The following ADGRL3 variants were observed in gnomAD, a reference collection of about 807,000 sequenced individuals.
The protein encoded by ADGRL3 is calcium-independent alpha-latrotoxin receptor 3.
A neutral mutation model predicts 153.5 loss-of-function variants in ADGRL3; 62 were observed. That is an observed-to-expected ratio of 0.40 (90% CI 0.33 to 0.50). The LOEUF is 0.50. Ranked by LOEUF, ADGRL3 falls within the 20% of genes least tolerant of loss-of-function variation. The probability of loss-of-function intolerance (pLI) is 0.47; values close to 1 mark genes in which losing one functional copy is unlikely to be tolerated. For synonymous variants in ADGRL3, 710 were observed against 672.5 expected, an observed-to-expected ratio of 1.06 and a Z score of -0.86; for missense variants, 1,641 against 1,859.4, an observed-to-expected ratio of 0.88 and a Z score of 2.16.
chr4:61,340,519 G>A (rs962035875), intron 1 of ADGRL3, among the ~76,000 whole-genome samples: 41 of 151,654 alleles, frequency 2.7e-4, no homozygotes, highest in Non-Finnish European at 8.8e-5. Context: ...ATCTGTCATC[G>A]GATACATCTT....
chr4:61,709,753 T>C (rs2095931292), intron 6 of ADGRL3, among the ~76,000 whole-genome samples: 1 of 152,194 alleles, frequency 6.6e-6, no homozygotes, highest in Admixed American at 6.5e-5. Context: ...TGTTTTTACC[T>C]AGAAAAATTT....
intron 4 of ADGRL3, among the ~76,000 whole-genome samples, chr4:61,559,242 T>A (rs540790581): frequency 2.4e-4 from 36 of 152,234 alleles, no homozygotes; most frequent in African/African-American, 8.4e-4. Context: ...CATTGACATC[T>A]TCTTACTACA....
chr4:62,026,506 A>G (rs1718640138), intron 21 of ADGRL3, among the ~76,000 whole-genome samples: 1 of 152,136 alleles, frequency 6.6e-6, no homozygotes. Flanking sequence ...GTTGATAAAA[A>G]CTGCTGAATT....
chr4:61,820,502 A>G lies in ADGRL3; in HGVS notation c.1480+6613A>G, dbSNP rs367953367. 1.1e-4 allele frequency among the ~76,000 whole-genome samples: 16 copies of G among 152,340 alleles called. No individual in the cohort carries two copies. The East Asian group carries it at 2.9e-3, about 28-fold the overall frequency. ...AATAAAAATAAGGTTCTGAATCAGCATTCAGCATTATAGTAATTCCTCTTG... is the reference window on the plus strand; with the variant it reads ...AATAAAAATAAGGTTCTGAATCAGCGTTCAGCATTATAGTAATTCCTCTTG... On this transcript the variant is annotated intron_variant, in intron 9 of 26. Transcript: ENST00000683033.
At chr4:61,855,224 C>T (rs776500560) in intron 9 of ADGRL3, among the ~76,000 whole-genome samples, 12 of 152,260 alleles carry the variant, frequency 7.9e-5, no homozygotes, top group Non-Finnish European at 1.8e-4. Context: ...AATGCTGGCT[C>T]TAGGGAAACC....
chr4:61,573,380 A>G (rs991894723), intron 4 of ADGRL3, among the ~76,000 whole-genome samples: 1 of 151,932 alleles, frequency 6.6e-6, no homozygotes, highest in Non-Finnish European at 1.5e-5. Context: ...TATAAAGAAA[A>G]TATTTATTTT....
intron 1 of ADGRL3, among the ~76,000 whole-genome samples, chr4:61,247,751 G>T (rs1267858090): frequency 1.3e-5 from 2 of 151,836 alleles, no homozygotes; most frequent in Non-Finnish European, 2.9e-5. Context: ...AGGTTTATGA[G>T]AAATTGTTAT....
chr4:61,661,842 T>C (rs1442508454), intron 5 of ADGRL3, among the ~76,000 whole-genome samples: 1 of 152,218 alleles, frequency 6.6e-6, no homozygotes, highest in Admixed American at 6.5e-5. Flanking sequence ...AAAAGTTCCT[T>C]GACTAAAACT....
chr4:61,761,958 CA>C (rs1416906231), intron 8 of ADGRL3, among the ~76,000 whole-genome samples: 2 of 152,076 alleles, frequency 1.3e-5, no homozygotes, highest in African/African-American at 2.4e-5. Context: ...AATAAACAAA[CA>C]AATAAATAAA....
intron 1 of ADGRL3, among the ~76,000 whole-genome samples, chr4:61,224,472 GT>G (rs1292715911): frequency 6.6e-6 from 1 of 152,124 alleles, no homozygotes; most frequent in Non-Finnish European, 1.5e-5. Context: ...GTATCTTTAT[GT>G]TTTTAAACTG....
intron 4 of ADGRL3, among the ~76,000 whole-genome samples, chr4:61,546,323 T>A (rs2098713825): frequency 6.6e-6 from 1 of 152,204 alleles, no homozygotes. Context: ...TACACCAGTG[T>A]GCTCATGCTG....
chr4:61,492,708 A>T (rs1342643045), intron 2 of ADGRL3, among the ~76,000 whole-genome samples: 4 of 152,128 alleles, frequency 2.6e-5, no homozygotes, highest in African/African-American at 9.6e-5. Context: ...ATTCTTTTAG[A>T]GTATAATTGT....
chr4:62,035,070 T>G (rs1724203355), intron 23 of ADGRL3, among the ~76,000 whole-genome samples: 1 of 152,030 alleles, frequency 6.6e-6, no homozygotes, highest in Admixed American at 6.6e-5. Context: ...ACTGCTTTTT[T>G]GTAATCTAAA....
chr4:61,876,372 T>C (rs1355597409), intron 9 of ADGRL3, among the ~76,000 whole-genome samples: 1 of 151,938 alleles, frequency 6.6e-6, no homozygotes, highest in Non-Finnish European at 1.5e-5. Context: ...GAACTGATAC[T>C]CATAAAGAAC....
At chr4:61,373,190 G>T (rs1222759863) in intron 1 of ADGRL3, among the ~76,000 whole-genome samples, 1 of 152,114 alleles carries the variant, frequency 6.6e-6, no homozygotes, top group Non-Finnish European at 1.5e-5. Context: ...ACCCGTCTTC[G>T]TCGCTCAGGC....
At chr4:61,291,025 AAAG>A (rs963194091) in intron 1 of ADGRL3, among the ~76,000 whole-genome samples, 6 of 152,066 alleles carry the variant, frequency 3.9e-5, no homozygotes, top group African/African-American at 1.4e-4. Flanking sequence ...ATCTTGACTG[AAAG>A]GGTAAGTTAC....
chr4:61,748,735 T>G (rs1253905735), intron 8 of ADGRL3, among the ~76,000 whole-genome samples: 2 of 152,136 alleles, frequency 1.3e-5, no homozygotes, highest in African/African-American at 4.8e-5. Context: ...ACTTAAATGT[T>G]AGACCTAAAA....
intron 1 of ADGRL3, chr4:61,212,338 T>G (rs1257121014): frequency 6.6e-6 from 1 of 152,220 alleles, no homozygotes; most frequent in Non-Finnish European, 1.5e-5. Context: ...ATTCTTCTGA[T>G]GAGAATATAT....
At chr4:61,203,179 C>T (rs965741762) in intron 1 of ADGRL3, among the ~76,000 whole-genome samples, 1 of 152,184 alleles carries the variant, frequency 6.6e-6, no homozygotes, top group Non-Finnish European at 1.5e-5. Context: ...CTCCTGGTCC[C>T]TGGAATTCTC....
Sources: gnomAD v4.1 joint callset for allele counts (sites outside exome capture counted in the v4.1 genomes callset) on GRCh38, gnomAD v4.1.1 for gene constraint, MANE v1.5 for transcripts, NCBI Gene and HGNC (gene_info 2026-07-23, HGNC 2026-07-21) for gene names.